The following TELO2 variants were observed in gnomAD, a reference collection of about 807,000 sequenced individuals.
The protein encoded by TELO2 is telomere maintenance 2, also known as telomere length regulation protein TEL2 homolog.
TELO2 carries 71 observed loss-of-function variants against 91.0 expected under a neutral mutation model. The ratio of observed to expected loss-of-function variants is 0.78; its 90% CI spans 0.64 to 0.95. TELO2 has a LOEUF of 0.95. Ranked by LOEUF, TELO2 falls within the 40% of genes least tolerant of loss-of-function variation. The pLI is 0.00. For synonymous variants in TELO2, 584 were observed against 518.9 expected (o/e 1.13, Z -1.71); for missense variants, 1,183 against 1,141.3 (o/e 1.04, Z -0.53).
At chr16:1,507,191 C>T (rs144903779) in intron 18 of TELO2, 115 bp from the exon 19 acceptor site, 41 of 1,497,600 alleles carry the variant, frequency 2.7e-5, no homozygotes, top group Admixed American at 1.1e-4. Context: ...AGCATCCCCT[C>T]GGCTGTCAGG....
intron 20 of TELO2, among the ~76,000 whole-genome samples, chr16:1,509,072 G>C (rs969061623): frequency 5.9e-5 from 9 of 151,816 alleles, no homozygotes; most frequent in African/African-American, 2.2e-4. Context: ...ATGGGGCTGG[G>C]TGGGCGGGCA....
At position 1,500,710 on chromosome 16, in the gene TELO2, C is replaced by G; in HGVS notation, c.1281+11C>G. On this transcript the variant is annotated intron_variant, in intron 9 of 20. Transcript: ENST00000262319. ...CCCCTGAAATTCCAGGTGAGCGGGC[C>G]GTCCCCTCCGCGTCCCCGTGTGGCT... The G allele has an allele frequency of 6.2e-7, 1 of 1,611,644 alleles. No individual in the cohort carries two copies. Among genetic ancestry groups the G allele is most frequent in the Non-Finnish European group, 8.5e-7 (1 of 1,179,688 alleles).
rs1043617811 is a variant in TELO2, at chr16:1,493,970, C to G, written c.-36-276C>G. Among the ~76,000 whole-genome samples the G allele has an allele frequency of 6.6e-6, 1 of 152,244 alleles. No individual in the cohort carries two copies. Among genetic ancestry groups the G allele is most frequent in the Non-Finnish European group, 1.5e-5 (1 of 68,042 alleles). ...GCATCTCTAGCCTCCACCTCCCTCT[C>G]GCGCCAGTGGCACTCCCGGTTGAGA... On this transcript the variant is annotated intron_variant, in intron 1 of 20. Transcript: ENST00000262319. The surrounding 1 kb of genome is among the most constrained non-coding windows in gnomAD (Gnocchi z 4.3).
intron 5 of TELO2, among the ~76,000 whole-genome samples, chr16:1,498,444 G>A (rs191910287): frequency 3.4e-4 from 51 of 151,874 alleles, no homozygotes; most frequent in African/African-American, 1.2e-3. Flanking sequence ...TTGTTGGGGG[G>A]GATTGTTTTT....
At chr16:1,498,645 G>A (rs997559040) in intron 5 of TELO2, among the ~76,000 whole-genome samples, 5 of 152,082 alleles carry the variant, frequency 3.3e-5, no homozygotes, top group South Asian at 2.1e-4. Context: ...TTTGTTGCCC[G>A]GCTGGTCTCA....
chr16:1,499,338 G>A lies in TELO2; in HGVS notation c.933+5G>A. 1.3e-6 allele frequency: 2 copies of A among 1,593,442 alleles called. No homozygotes were observed. Among genetic ancestry groups the A allele is most frequent in the Non-Finnish European group, 1.7e-6 (2 of 1,174,038 alleles). On this transcript the variant is annotated splice_donor_5th_base_variant and intron_variant, in intron 6 of 20. Transcript: ENST00000262319. Reference sequence around the variant, plus strand: ...TTCTTACAGTCCCGGCTCACGGTGAGGACGCCACGGAGGGTGCAGGCTGCT... The same window carrying A: ...TTCTTACAGTCCCGGCTCACGGTGAAGACGCCACGGAGGGTGCAGGCTGCT...
At chr16:1,507,230 G>A in intron 18 of TELO2, 76 bp from the exon 19 acceptor site, 1 of 1,569,882 alleles carries the variant, frequency 6.4e-7, no homozygotes, top group Non-Finnish European at 8.6e-7. Flanking sequence ...CTGCCCAGCA[G>A]CGGAAGCCGC....
At position 1,502,275 on chromosome 16, in the gene TELO2, G is replaced by C. The variant is rs111749028; in HGVS notation, c.1562-38G>C. ...CTGGCTCTCATGGGTTCAGGGTCAG[G>C]GCTGAGGCTGACCGAGGCCTCTCTG... is the stretch of plus-strand genomic sequence containing the variant. On this transcript the variant is annotated intron_variant, in intron 12 of 20. Coordinates refer to ENST00000262319, the MANE Select transcript of TELO2 (RefSeq NM_016111.4). 2,916 of 1,573,348 alleles carry C rather than the reference G, an allele frequency of 1.9e-3. 38 individuals carry two copies. The African/African-American group carries it at 0.036, about 19-fold the overall frequency.
chr16:1,507,697 A>G lies in TELO2; in HGVS notation c.2388A>G (p.Glu796=). The stretch of plus-strand genomic sequence containing the variant: ...AGGACCTGATGGACGAGCTGCTGGA[A>G]GCCCGGTCCTGGCTGGCGGGTGAGT... ...LLEDLMDELL[E]ARSWLADVAE... The change falls in exon 20 of 21, where the codon GAA becomes GAG. Residue 796 remains glutamate, a synonymous_variant. Transcript: ENST00000262319. 1.2e-6 allele frequency: 2 copies of G among 1,604,050 alleles called. No individual in the cohort carries two copies. Among genetic ancestry groups the G allele is most frequent in the South Asian group, 1.1e-5 (1 of 90,768 alleles).
intron 9 of TELO2, 60 bp downstream of exon 9, chr16:1,500,759 C>T: frequency 6.3e-7 from 1 of 1,582,988 alleles, no homozygotes; most frequent in Non-Finnish European, 8.6e-7. Flanking sequence ...CGAGCGGCTG[C>T]CTCTCCAGCC....
Position 1,502,060 on chromosome 16 carries a change from G to T in TELO2, c.1486G>T (p.Val496Phe). 1 of 1,613,350 alleles carries T rather than the reference G, an allele frequency of 6.2e-7. No homozygotes were observed. Among genetic ancestry groups the T allele is most frequent in the Non-Finnish European group, 8.5e-7 (1 of 1,179,984 alleles). Residue 496 changes from valine to phenylalanine, a missense_variant, in exon 12 of 21, where the codon GTC becomes TTC. Val to Phe is a conservative substitution (Grantham distance 50, BLOSUM62 -1). Transcript: ENST00000262319. ...DSDLDSDDEF[V>F]PYDMSGDREL... ...GCTCTCCCACAGCGATGATGAGTTT[G>T]TCCCCTACGACATGTCGGGGGACAG...
chr16:1,496,547 C>CT (rs2039499453), intron 3 of TELO2, among the ~76,000 whole-genome samples: 1 of 152,252 alleles, frequency 6.6e-6, no homozygotes, highest in African/African-American at 2.4e-5. Context: ...CCCCACGCGG[C>CT]TCTGTGCTTT....
chr16:1,496,703 G>C (rs2039505310), intron 3 of TELO2, among the ~76,000 whole-genome samples: 1 of 152,210 alleles, frequency 6.6e-6, no homozygotes, highest in Admixed American at 6.5e-5. Context: ...TCAGGGCCCA[G>C]GCCTACCCTG....
intron 15 of TELO2, among the ~76,000 whole-genome samples, chr16:1,504,022 A>C (rs1380546739): frequency 2.0e-5 from 3 of 148,510 alleles, no homozygotes; most frequent in African/African-American, 7.4e-5. Flanking sequence ...GCTACTCTTG[A>C]GGCTGAGGCA....
rs1322797076 is a variant in TELO2 at position 1,501,816 on chromosome 16, G to T, written c.1472+43G>T. 3.2e-6 allele frequency: 5 copies of T among 1,579,956 alleles called. No individual in the cohort carries two copies. The African/African-American group carries it at 6.7e-5, about 21-fold the overall frequency. On this transcript the variant is annotated intron_variant, in intron 11 of 20. Transcript: ENST00000262319. ...CCAGTGGGCAGCGTGCAGGAGGCCG[G>T]GAGGCGAACCCCTCACACTCCAAGC...
Position 1,505,425 on chromosome 16 carries a change from G to A in TELO2, c.1858G>A (p.Ala620Thr). 1 of 1,611,030 alleles carries A rather than the reference G, an allele frequency of 6.2e-7. No individual in the cohort carries two copies. The highest frequency in any genetic ancestry group is 2.2e-5 in the East Asian group (1 of 44,804). ...CTCCCTCCAGGTGCTGACTCTGGCT[G>A]CCCAGGAGCTGTCTAGGCCTGGGTG... ...MDILDVLTLAAQELSRPGCLG... is the reference protein window; with the variant it reads ...MDILDVLTLATQELSRPGCLG... Residue 620 changes from alanine to threonine, a missense_variant, in exon 16 of 21, where the codon GCC becomes ACC. Coordinates refer to ENST00000262319, the MANE Select transcript of TELO2 (RefSeq NM_016111.4). This position sits in a 1 kb window ranked among gnomAD's most constrained non-coding sequence, Gnocchi z 4.3.
At chr16:1,502,587 G>A in intron 13 of TELO2, 58 bp from the exon 14 acceptor site, 2 of 1,579,504 alleles carry the variant, frequency 1.3e-6, no homozygotes, top group Non-Finnish European at 1.7e-6. Context: ...GAGCCTCGGT[G>A]AGGCCTCGGC....
At chr16:1,508,496 G>T (rs947914599) in intron 20 of TELO2, among the ~76,000 whole-genome samples, 1 of 152,250 alleles carries the variant, frequency 6.6e-6, no homozygotes, top group Non-Finnish European at 1.5e-5. Flanking sequence ...GGGCCCTTAA[G>T]GTGGCTTCAT....
At chr16:1,498,157 G>A (rs2039559584) in intron 5 of TELO2, among the ~76,000 whole-genome samples, 4 of 152,068 alleles carry the variant, frequency 2.6e-5, no homozygotes, top group African/African-American at 9.7e-5. Context: ...TAGGACTACA[G>A]GCGCCCGCCA....
Sources: gnomAD v4.1 joint callset for allele counts (sites outside exome capture counted in the v4.1 genomes callset) on GRCh38, gnomAD v4.1.1 for gene constraint, Gnocchi (gnomAD v3.1) non-coding constraint, MANE v1.5 for transcripts, NCBI Gene and HGNC (gene_info 2026-07-23, HGNC 2026-07-21) for gene names.